The following MPP3 variants were observed in gnomAD, a reference collection of about 807,000 sequenced individuals.
MPP3 encodes MAGUK p55 subfamily member 3.
MPP3 carries 48 observed loss-of-function variants against 80.7 expected under a neutral mutation model. The observed-to-expected ratio is 0.59, with a 90% CI of 0.47 to 0.76. The LOEUF is 0.76. Ranked by LOEUF, MPP3 falls within the 30% of genes least tolerant of loss-of-function variation. The pLI, the probability that MPP3 is intolerant of heterozygous loss-of-function variation, is 0.00. For missense variants in MPP3, 620 were observed against 763.0 expected, an observed-to-expected ratio of 0.81 and a Z score of 2.21; for synonymous variants, 311 against 297.6, an observed-to-expected ratio of 1.04 and a Z score of -0.46.
chr17:43,815,255 C>A lies in MPP3; in HGVS notation c.1009+783G>T, dbSNP rs188529341. On this transcript the variant is annotated intron_variant, in intron 14 of 19. Transcript: ENST00000398389. ...GCTGAGAGGGAAGAATCGCTTGAGC[C>A]TGGGAGGCTGAGGCTGCAGCGATTT... Among the ~76,000 whole-genome samples the A allele has an allele frequency of 3.9e-4, 60 of 152,238 alleles. 1 individual carries two copies. The East Asian group carries it at 0.01, about 26-fold the overall frequency.
intron 16 of MPP3, among the ~76,000 whole-genome samples, chr17:43,812,703 A>G (rs537654937): frequency 6.6e-6 from 1 of 152,330 alleles, no homozygotes; most frequent in South Asian, 2.1e-4. Flanking sequence ...TGGAGTGCCT[A>G]GAAGCAGGTG....
At position 43,829,717 on chromosome 17, in the gene MPP3, G is replaced by A. The variant is rs755014504; in HGVS notation, c.378C>T (p.Ile126=). ...DPVLPPLPDN[I]DEDFDEESVK... is the part of the protein sequence containing the mutation. ...CCGATTCCTCATCAAAATCCTCATC[G>A]ATATTGTCAGGCAGAGGCGGGAGAA... Residue 126 remains isoleucine, a synonymous_variant, in exon 7 of 20, where the codon ATC becomes ATT. Transcript: ENST00000398389. 4.3e-6 allele frequency: 7 copies of A among 1,614,076 alleles called. No homozygotes were observed. Among genetic ancestry groups the A allele is most frequent in the East Asian group, 2.2e-5 (1 of 44,872 alleles).
At chr17:43,823,339 G>A (rs934242681) in intron 10 of MPP3, among the ~76,000 whole-genome samples, 1 of 152,118 alleles carries the variant, frequency 6.6e-6, no homozygotes, top group African/African-American at 2.4e-5. Context: ...GGGAGCCTCT[G>A]TATGGGCAGA....
In MPP3 at chr17:43,800,877, G is replaced by A. The variant is rs970682467; in HGVS notation, c.*824C>T. On this transcript the variant is annotated 3_prime_UTR_variant, in exon 20 of 20. Transcript: ENST00000398389. ...AGTGACGTAGCCATAGTTTTGACAG[G>A]GAGAGTCATCTGGTTTCCCAAGATC... is the stretch of plus-strand genomic sequence containing the variant. 9 of 152,178 alleles carry A rather than the reference G, an allele frequency of 5.9e-5. No homozygotes were observed. Among genetic ancestry groups the A allele is most frequent in the African/African-American group, 2.2e-4 (9 of 41,520 alleles). The allele number at this position is 152,178 out of a possible 1,614,324, so 9.4% of individuals were successfully genotyped here.
In MPP3 at chr17:43,831,598, C is replaced by A; in HGVS notation, c.105G>T (p.Arg35Ser). 6.2e-7 allele frequency: 1 copy of A among 1,613,840 alleles called. No homozygotes were observed. The highest frequency in any genetic ancestry group is 1.1e-5 in the South Asian group (1 of 91,062). Reference protein sequence around the residue: ...SNHKEEMGFLRDVFSEKSLSY... With the variant: ...SNHKEEMGFLSDVFSEKSLSY... Reference sequence around the variant, plus strand: ...TGAGGCTTTTTTCACTGAAAACATCCCTCAGGAAGCCCATCTCCTCCTTGT... The same window carrying A: ...TGAGGCTTTTTTCACTGAAAACATCACTCAGGAAGCCCATCTCCTCCTTGT... Residue 35 changes from arginine (R) to serine (S), a missense_variant, in exon 4 of 20, where the codon AGG (arginine) becomes AGT (serine). Physicochemically the swap from Arg to Ser is moderately radical, Grantham distance 110 (BLOSUM62 -1). Transcript: ENST00000398389.
chr17:43,816,799 T>C (rs1278765350), intron 12 of MPP3, 102 bp from the exon 13 acceptor site: 3 of 1,087,984 alleles, frequency 2.8e-6, no homozygotes, highest in South Asian at 1.3e-5. Flanking sequence ...GAGCCCGCCA[T>C]CTGGCCTCTT....
At chr17:43,806,933 T>C (rs2044642178) in intron 19 of MPP3, among the ~76,000 whole-genome samples, 1 of 152,118 alleles carries the variant, frequency 6.6e-6, no homozygotes, top group Non-Finnish European at 1.5e-5. Context: ...TAAATGATTC[T>C]AGACTTAAGT....
chr17:43,801,966 T>A, intron 19 of MPP3, 89 bp from the exon 20 acceptor site: 1 of 1,194,080 alleles, frequency 8.4e-7, no homozygotes, highest in Non-Finnish European at 1.1e-6. Flanking sequence ...TTCCAACCTT[T>A]AACTTTTAAG....
rs528118506 is a variant in MPP3, at chr17:43,832,231, G to A, written c.-37-288C>T. The stretch of plus-strand genomic sequence containing the variant: ...CCCATTTTATTGATGAAGAAACAGC[G>A]GCGTGGAAGCTTTCAGTAAGCTGTG... On this transcript the variant is annotated intron_variant, in intron 2 of 19. Transcript: ENST00000398389. The A allele has an allele frequency of 2.1e-4, 88 of 428,018 alleles. 2 individuals carry two copies. The South Asian group carries it at 2.6e-3, about 13-fold the overall frequency. 26.5% of individuals were successfully genotyped at this position (428,018 alleles called of 1,614,324 possible). A position where few individuals can be genotyped will look rare whatever the true frequency, so the allele number is the denominator to read the frequency against.
At chr17:43,802,761 G>A (rs1448844900) in intron 19 of MPP3, among the ~76,000 whole-genome samples, 1 of 152,144 alleles carries the variant, frequency 6.6e-6, no homozygotes, top group African/African-American at 2.4e-5. Context: ...TTAGTTCTCT[G>A]TTGCTGTCTC....
At chr17:43,832,125 G>A (rs2045994679) in intron 2 of MPP3, 182 bp from the exon 3 acceptor site, 2 of 603,852 alleles carry the variant, frequency 3.3e-6, no homozygotes, top group Admixed American at 3.2e-5. Context: ...GAGTGTCCTC[G>A]ATGTGCCAAG....
intron 19 of MPP3, among the ~76,000 whole-genome samples, chr17:43,803,866 C>T (rs541847460): frequency 1.3e-5 from 2 of 152,178 alleles, no homozygotes; most frequent in Non-Finnish European, 2.9e-5. Context: ...GGAGCATGAA[C>T]GGGCCAGCTG....
In MPP3 at chr17:43,809,223, T is replaced by TCAA. The variant is rs2044743630; in HGVS notation, c.1459-148_1459-146dup. The stretch of plus-strand genomic sequence containing the variant: ...TACATGGGTCCCATGACAATGGACT[T>TCAA]CAACTGGGCAGACCAACTGCTCCTT... On this transcript the variant is annotated intron_variant, in intron 18 of 19. Transcript: ENST00000398389. The TCAA allele has an allele frequency of 4.8e-6, 4 of 827,008 alleles. No homozygotes were observed. In the South Asian group the frequency reaches 6.2e-5, roughly 13 times the overall value. 51.2% of individuals were successfully genotyped at this position (827,008 alleles called of 1,614,324 possible). A position where few individuals can be genotyped will look rare whatever the true frequency, so the allele number is the denominator to read the frequency against.
intron 16 of MPP3, among the ~76,000 whole-genome samples, chr17:43,812,037 C>T (rs2068864883): frequency 2.0e-5 from 3 of 152,212 alleles, no homozygotes; most frequent in Admixed American, 1.3e-4. Flanking sequence ...AATTAGTTCT[C>T]ATCTCCAGAA....
Position 43,824,051 on chromosome 17 carries a change from C to A in MPP3, c.610-46G>T, listed in dbSNP as rs776255106. On this transcript the variant is annotated intron_variant, in intron 9 of 19. Transcript: ENST00000398389. The stretch of plus-strand genomic sequence containing the variant: ...AGCTTCTCGCCTACCAGGTCTAACC[C>A]TCCAAGAGTTCAACTCCTACTTCTC... 3.6e-6 allele frequency: 5 copies of A among 1,404,674 alleles called. No homozygotes were observed. The Admixed American group carries it at 1.0e-4, about 28-fold the overall frequency. The allele number at this position is 1,404,674 out of a possible 1,614,324, so 87.0% of individuals were successfully genotyped here. A position where few individuals can be genotyped will look rare whatever the true frequency, so the allele number is the denominator to read the frequency against.
At chr17:43,808,357 T>C (rs2044708662) in intron 19 of MPP3, among the ~76,000 whole-genome samples, 1 of 152,156 alleles carries the variant, frequency 6.6e-6, no homozygotes, top group Non-Finnish European at 1.5e-5. Flanking sequence ...CCAAAAAAGA[T>C]GAGTCACCAA....
intron 2 of MPP3, chr17:43,832,202 T>G: frequency 2.0e-6 from 1 of 494,208 alleles, no homozygotes; most frequent in Non-Finnish European, 3.5e-6. Flanking sequence ...TGACTGCGAA[T>G]GTTCCCATTT....
At chr17:43,826,471 C>T (rs545349255) in intron 8 of MPP3, among the ~76,000 whole-genome samples, 3 of 152,328 alleles carry the variant, frequency 2.0e-5, no homozygotes, top group South Asian at 4.1e-4. Context: ...TCAGGGAATT[C>T]GTGGACTCGT....
chr17:43,832,913 G>A (rs2143207090), intron 1 of MPP3, 94 bp from the exon 2 acceptor site: 4 of 152,878 alleles, frequency 2.6e-5, no homozygotes, highest in African/African-American at 9.6e-5. Flanking sequence ...GCAGGGAGCG[G>A]GGGGCGCGCG....
Sources: gnomAD v4.1 joint callset for allele counts (sites outside exome capture counted in the v4.1 genomes callset) on GRCh38, gnomAD v4.1.1 for gene constraint, MANE v1.5 for transcripts, NCBI Gene and HGNC (gene_info 2026-07-23, HGNC 2026-07-21) for gene names.